The following LMBR1 variants were observed in gnomAD, a reference collection of about 807,000 sequenced individuals.
LMBR1 encodes limb region 1 protein homolog.
Under a neutral mutation model 73.9 loss-of-function variants are expected in LMBR1, and 52 were observed. The observed-to-expected ratio is 0.70, with a 90% CI of 0.56 to 0.89. The LOEUF (loss-of-function observed/expected upper bound fraction) is 0.89, where lower values mean the gene tolerates loss of function less well. Ranked by LOEUF, LMBR1 falls within the 40% of genes least tolerant of loss-of-function variation. The pLI, the probability that LMBR1 is intolerant of heterozygous loss-of-function variation, is 0.00. For synonymous variants in LMBR1, 215 were observed against 209.4 expected (o/e 1.03, Z -0.23); for missense variants, 539 against 579.8 (o/e 0.93, Z 0.72).
chr7:156,692,944 GA>G (rs1472059669), intron 15 of LMBR1, among the ~76,000 whole-genome samples: 1 of 152,028 alleles, frequency 6.6e-6, no homozygotes, highest in Non-Finnish European at 1.5e-5. Context: ...GACTGAAACT[GA>G]CCTTCTACAA....
At chr7:156,869,920 G>GT (rs547698241) in intron 1 of LMBR1, among the ~76,000 whole-genome samples, 2 of 151,960 alleles carry the variant, frequency 1.3e-5, no homozygotes, top group African/African-American at 4.8e-5. Context: ...AAAAGGACAA[G>GT]TTTTTGTTTA....
At chr7:156,858,776 A>T (rs1797325768) in intron 1 of LMBR1, among the ~76,000 whole-genome samples, 1 of 152,178 alleles carries the variant, frequency 6.6e-6, no homozygotes, top group Non-Finnish European at 1.5e-5. Context: ...CAATTAATAC[A>T]ATCCATCACA....
chr7:156,816,251 G>C (rs1200738505), intron 4 of LMBR1, among the ~76,000 whole-genome samples: 1 of 151,688 alleles, frequency 6.6e-6, no homozygotes, highest in Admixed American at 6.6e-5. Context: ...TGCTGCCCAG[G>C]CTGGAGTGCA....
chr7:156,817,688 C>T (rs1834141917), intron 4 of LMBR1, among the ~76,000 whole-genome samples: 1 of 152,084 alleles, frequency 6.6e-6, no homozygotes, highest in Non-Finnish European at 1.5e-5. Flanking sequence ...TGTATAAATG[C>T]AAACACCAAA....
chr7:156,698,927 A>T (rs548326233), intron 15 of LMBR1, among the ~76,000 whole-genome samples: 2 of 152,236 alleles, frequency 1.3e-5, no homozygotes, highest in East Asian at 3.9e-4. Context: ...AATTTTCCAA[A>T]CTTTTATGCT....
chr7:156,761,003 T>C (rs1822873926), intron 8 of LMBR1, among the ~76,000 whole-genome samples: 1 of 152,214 alleles, frequency 6.6e-6, no homozygotes, highest in Non-Finnish European at 1.5e-5. Context: ...ACAGTGGAGC[T>C]GATATTTGAG....
intron 9 of LMBR1, among the ~76,000 whole-genome samples, chr7:156,755,925 G>A (rs751563225): frequency 6.6e-6 from 1 of 152,180 alleles, no homozygotes; most frequent in Non-Finnish European, 1.5e-5. Flanking sequence ...CTTGAATCAT[G>A]ATTCTGAAAT....
chr7:156,857,797 C>G (rs942424458), intron 1 of LMBR1, among the ~76,000 whole-genome samples: 6 of 152,000 alleles, frequency 3.9e-5, no homozygotes, highest in Non-Finnish European at 5.9e-5. Context: ...AAATCAGTAA[C>G]TGAAATATAG....
At chr7:156,867,393 C>T (rs185379900) in intron 1 of LMBR1, among the ~76,000 whole-genome samples, 21 of 152,298 alleles carry the variant, frequency 1.4e-4, no homozygotes, top group African/African-American at 2.4e-4. Flanking sequence ...TACTTTATGA[C>T]GCAGCATGTC....
At chr7:156,765,190 G>A (rs1585645489) in intron 5 of LMBR1, among the ~76,000 whole-genome samples, 1 of 152,190 alleles carries the variant, frequency 6.6e-6, no homozygotes, top group Non-Finnish European at 1.5e-5. Context: ...TGGTTTGCCT[G>A]TGTCCCCACC....
intron 4 of LMBR1, among the ~76,000 whole-genome samples, chr7:156,815,879 G>T (rs1029779925): frequency 1.3e-5 from 2 of 152,012 alleles, no homozygotes; most frequent in Non-Finnish European, 2.9e-5. Flanking sequence ...ATCCAGAGAA[G>T]AATTTGAATT....
intron 15 of LMBR1, among the ~76,000 whole-genome samples, chr7:156,718,421 GAA>G (rs112723285): frequency 7.1e-6 from 1 of 141,190 alleles, no homozygotes; most frequent in Non-Finnish European, 1.6e-5. Context: ...GAAGGAAAAA[GAA>G]AAAAAAAAAT....
Position 156,836,816 on chromosome 7 carries a change from AT to A in LMBR1, c.135del (p.Lys45AsnfsTer19). 6.4e-7 allele frequency: 1 copy of A among 1,569,330 alleles called. No individual in the cohort carries two copies. Among genetic ancestry groups the A allele is most frequent in the Non-Finnish European group, 8.7e-7 (1 of 1,151,922 alleles). On this transcript the variant is annotated frameshift_variant, in exon 2 of 17. Transcript: ENST00000353442. LOFTEE classifies it high-confidence loss of function. ...SYFIITRYKRKSDEQEDEDAI... is the reference protein window; with the variant it reads ...SYFIITRYKRXSDEQEDEDAI... Reference sequence around the variant, plus strand: ...TAATTGACATGTTTCCACTTGCCTGATTTTCTCTTGTATCTTGTGATGATGA... The same window carrying A: ...TAATTGACATGTTTCCACTTGCCTGATTTCTCTTGTATCTTGTGATGATGA...
chr7:156,723,681 C>A (rs574547056), intron 15 of LMBR1, among the ~76,000 whole-genome samples: 1 of 152,162 alleles, frequency 6.6e-6, no homozygotes, highest in East Asian at 1.9e-4. Flanking sequence ...GATTACACTG[C>A]GTTCACCTCT....
At chr7:156,775,692 T>C (rs540116427) in intron 5 of LMBR1, among the ~76,000 whole-genome samples, 10 of 152,358 alleles carry the variant, frequency 6.6e-5, no homozygotes, top group South Asian at 4.1e-4. Context: ...TTTATGCTTT[T>C]CTGTTTTTTT....
In LMBR1 at chr7:156,684,374, G is replaced by A. The variant is rs146065572; in HGVS notation, c.1388-211C>T. On this transcript the variant is annotated intron_variant, in intron 16 of 16. Transcript: ENST00000353442. ...CCTAAGCTGAAGACTGCTGCAAGGC[G>A]GAAGTCCTGCCCCTTCCAGGACAGC... 6.2e-4 allele frequency among the ~76,000 whole-genome samples: 94 copies of A among 152,214 alleles called. 1 individual carries two copies. Among genetic ancestry groups the A allele is most frequent in the African/African-American group, 2.1e-3 (89 of 41,526 alleles).
intron 14 of LMBR1, 51 bp downstream of exon 14, chr7:156,725,384 C>A: frequency 9.5e-7 from 1 of 1,052,580 alleles, no homozygotes; most frequent in Non-Finnish European, 1.4e-6. Flanking sequence ...ATAAAGCAGT[C>A]TGTCAGGGAA....
intron 4 of LMBR1, among the ~76,000 whole-genome samples, chr7:156,811,339 C>T (rs182481521): frequency 1.3e-5 from 2 of 151,974 alleles, no homozygotes; most frequent in African/African-American, 4.8e-5. Context: ...TGGCCAGGCG[C>T]GGTGGCTCAC....
chr7:156,864,088 A>G (rs912316861), intron 1 of LMBR1, among the ~76,000 whole-genome samples: 12 of 152,200 alleles, frequency 7.9e-5, no homozygotes, highest in Non-Finnish European at 2.9e-5. Context: ...TGGGAAGTGG[A>G]GGTTGCAGTG....
Sources: allele counts gnomAD v4.1 joint callset (sites outside exome capture counted in the v4.1 genomes callset), GRCh38; gene constraint gnomAD v4.1.1; transcripts MANE v1.5; gene names NCBI Gene and HGNC (gene_info 2026-07-23, HGNC 2026-07-21).